Variants in OR2V2 observed in about 807,000 individuals in gnomAD.
OR2V2 encodes the protein olfactory receptor family 2 subfamily V member 2.
For missense variants in OR2V2, 392 were observed against 392.2 expected, an observed-to-expected ratio of 1.00 and a Z score of 0.00; for synonymous variants, 161 against 151.3, an observed-to-expected ratio of 1.06 and a Z score of -0.47.
chr5:181,149,539 T>C (rs1367383289), intron 1 of OR2V2, among the ~76,000 whole-genome samples: 2 of 152,170 alleles, frequency 1.3e-5, no homozygotes, highest in Non-Finnish European at 2.9e-5. Flanking sequence ...GGGAGACAAA[T>C]GTCTTTAGTG....
Position 181,155,132 on chromosome 5 carries a change from C to T in OR2V2, c.190C>T (p.Leu64Phe), listed in dbSNP as rs143129622. ...PHLHTPMYFF[L>F]SQLSLMDLML... ...CCTTCACACCCCCATGTACTTCTTC[C>T]TCAGCCAGCTCTCCCTCATGGACCT... Residue 64 changes from leucine (L) to phenylalanine (F), a missense_variant, in exon 2 of 2, where the codon CTC (leucine) becomes TTC (phenylalanine). Transcript: ENST00000641492. 2.1e-4 allele frequency: 338 copies of T among 1,614,236 alleles called. No homozygotes were observed. In the African/African-American group the frequency reaches 3.7e-3, roughly 18 times the overall value.
intron 1 of OR2V2, among the ~76,000 whole-genome samples, chr5:181,148,583 G>A (rs1389455288): frequency 1.3e-5 from 2 of 152,198 alleles, no homozygotes; most frequent in African/African-American, 2.4e-5. Flanking sequence ...CATTAATCAC[G>A]TGGTTACTGA....
At chr5:181,150,976 G>T (rs946164883) in intron 1 of OR2V2, among the ~76,000 whole-genome samples, 1 of 152,110 alleles carries the variant, frequency 6.6e-6, no homozygotes, top group African/African-American at 2.4e-5. Context: ...CTCGACAACA[G>T]GAAAAAAGCC....
At chr5:181,150,862 A>G (rs1311607905) in intron 1 of OR2V2, among the ~76,000 whole-genome samples, 1 of 152,184 alleles carries the variant, frequency 6.6e-6, no homozygotes. Flanking sequence ...TTGTGGTCCC[A>G]GCTACTCGGG....
intron 1 of OR2V2, among the ~76,000 whole-genome samples, chr5:181,149,254 A>T (rs1178153703): frequency 6.6e-6 from 1 of 151,942 alleles, no homozygotes; most frequent in Non-Finnish European, 1.5e-5. Flanking sequence ...TGTGGGGTGG[A>T]TATGTTTTGG....
chr5:181,152,648 C>CTT (rs1321007080), intron 1 of OR2V2, among the ~76,000 whole-genome samples: 1 of 152,174 alleles, frequency 6.6e-6, no homozygotes, highest in Non-Finnish European at 1.5e-5. Flanking sequence ...TAGTGACTCA[C>CTT]GTCTAAAAAC....
At chr5:181,149,337 T>C (rs1379460103) in intron 1 of OR2V2, among the ~76,000 whole-genome samples, 1 of 152,078 alleles carries the variant, frequency 6.6e-6, no homozygotes, top group Non-Finnish European at 1.5e-5. Flanking sequence ...ATAACCTGAG[T>C]GCTGTGACCT....
At chr5:181,148,305 A>G (rs926594927) in intron 1 of OR2V2, among the ~76,000 whole-genome samples, 7 of 151,722 alleles carry the variant, frequency 4.6e-5, no homozygotes, top group African/African-American at 1.7e-4. Flanking sequence ...TGGGGTGGAG[A>G]GTGGTCCACC....
At chr5:181,151,134 ACAAGTGGGGAAGATGCT>A (rs1235175733) in intron 1 of OR2V2, among the ~76,000 whole-genome samples, 63 of 152,278 alleles carry the variant, frequency 4.1e-4, no homozygotes, top group African/African-American at 1.3e-3. Flanking sequence ...GAGGGTGTAG[ACAAGTGGGGAAGATGCT>A]CCGTGCAGAG....
chr5:181,150,698 A>C (rs1283924018), intron 1 of OR2V2, among the ~76,000 whole-genome samples: 1 of 152,192 alleles, frequency 6.6e-6, no homozygotes, highest in Non-Finnish European at 1.5e-5. Flanking sequence ...CCACAGGGCC[A>C]GGTGCAGTGG....
At chr5:181,153,738 G>A (rs966959561) in intron 1 of OR2V2, among the ~76,000 whole-genome samples, 8 of 152,164 alleles carry the variant, frequency 5.3e-5, no homozygotes, top group Non-Finnish European at 1.0e-4. Flanking sequence ...CTCTTTATTA[G>A]CAGGCTCCAA....
Position 181,147,654 on chromosome 5 carries a change from A to T in OR2V2, c.-366A>T. 1 of 246,046 alleles carries T rather than the reference A, an allele frequency of 4.1e-6. No individual in the cohort carries two copies. The highest frequency in any genetic ancestry group is 7.6e-6 in the Non-Finnish European group (1 of 130,864). 15.2% of individuals were successfully genotyped at this position (246,046 alleles called of 1,614,324 possible). On this transcript the variant is annotated 5_prime_UTR_variant, in exon 1 of 2. Transcript: ENST00000641492. The stretch of plus-strand genomic sequence containing the variant: ...GCCAGAGCCAGGGTGTCCTGGAGGC[A>T]GGTGGGAATCCTGGGTGGGCTCAGG...
intron 1 of OR2V2, among the ~76,000 whole-genome samples, chr5:181,151,350 T>C (rs1040753452): frequency 6.6e-6 from 1 of 152,218 alleles, no homozygotes; most frequent in Non-Finnish European, 1.5e-5. Context: ...TGGCATATCC[T>C]GAGCACAAGA....
Position 181,154,991 on chromosome 5 carries a change from G to C in OR2V2, c.49G>C (p.Gly17Arg), listed in dbSNP as rs1026468871. 6.2e-7 allele frequency: 1 copy of C among 1,614,068 alleles called. No individual in the cohort carries two copies. The highest frequency in any genetic ancestry group is 1.3e-5 in the African/African-American group (1 of 74,926). ...CTACACAGATGGCTTCTTCCTCTTA[G>C]GCATCTTCTCCCACAGTACTGCTGA... is the stretch of plus-strand genomic sequence containing the variant. ...QSYTDGFFLL[G>R]IFSHSTADLV... The change falls in exon 2 of 2, where the codon GGC becomes CGC. Residue 17 changes from glycine to arginine, a missense_variant. Physicochemically the swap from Gly to Arg is moderately radical, Grantham distance 125. Coordinates refer to ENST00000641492, the MANE Select transcript of OR2V2 (RefSeq NM_206880.2).
At position 181,153,109 on chromosome 5, in the gene OR2V2, A is replaced by G. The variant is rs147879758; in HGVS notation, c.-24-1810A>G. 7.2e-5 allele frequency among the ~76,000 whole-genome samples: 11 copies of G among 152,326 alleles called. No homozygotes were observed. The East Asian group carries it at 2.1e-3, about 29-fold the overall frequency. On this transcript the variant is annotated intron_variant, in intron 1 of 1. Transcript: ENST00000641492. ...CGGAAGGAGGCAAATGAGAAATAGA[A>G]CATGAAAAGGCCTAAGGAAAACTGG...
chr5:181,155,190 C>A lies in OR2V2; in HGVS notation c.248C>A (p.Ala83Glu), dbSNP rs1161808817. The A allele has an allele frequency of 6.2e-7, 1 of 1,614,080 alleles. No individual in the cohort carries two copies. The highest frequency in any genetic ancestry group is 1.7e-5 in the Admixed American group (1 of 60,004). ...GTCTGTACCAATGTGCCAAAGATGG[C>A]AGCCAACTTCCTGTCTGGCAGGAAG... ...MLVCTNVPKM[A>E]ANFLSGRKSI... Residue 83 changes from alanine to glutamate, a missense_variant, in exon 2 of 2, where the codon GCA (alanine) becomes GAA (glutamate). Coordinates refer to ENST00000641492, the MANE Select transcript of OR2V2 (RefSeq NM_206880.2).
At chr5:181,148,876 C>T (rs1031013894) in intron 1 of OR2V2, among the ~76,000 whole-genome samples, 7 of 152,154 alleles carry the variant, frequency 4.6e-5, no homozygotes, top group Non-Finnish European at 7.4e-5. Context: ...GCCTTCTGCA[C>T]GGAGGTGAGG....
intron 1 of OR2V2, among the ~76,000 whole-genome samples, chr5:181,153,516 A>G (rs1367599510): frequency 6.6e-6 from 1 of 151,992 alleles, no homozygotes; most frequent in Non-Finnish European, 1.5e-5. Context: ...GCAACACCCC[A>G]TCTCTAATAA....
Position 181,147,774 on chromosome 5 carries a change from G to A in OR2V2, c.-246G>A, listed in dbSNP as rs1561628959. 1.6e-5 allele frequency: 6 copies of A among 385,740 alleles called. No homozygotes were observed. The highest frequency in any genetic ancestry group is 1.4e-4 in the South Asian group (1 of 6,910). 23.9% of individuals were successfully genotyped at this position (385,740 alleles called of 1,614,324 possible). A position where few individuals can be genotyped will look rare whatever the true frequency, so the allele number is the denominator to read the frequency against. On this transcript the variant is annotated 5_prime_UTR_variant, in exon 1 of 2. Coordinates refer to ENST00000641492, the MANE Select transcript of OR2V2 (RefSeq NM_206880.2). ...GGAGGCTGTGGTCTGTGTGAGCCTC[G>A]CTCTCTGAGCCTGAGGGGCCACTGG...
Sources: gnomAD v4.1 joint callset for allele counts (sites outside exome capture counted in the v4.1 genomes callset) on GRCh38, gnomAD v4.1.1 for gene constraint, MANE v1.5 for transcripts, NCBI Gene and HGNC (gene_info 2026-07-23, HGNC 2026-07-21) for gene names.